SEC24B: variants seen among roughly 807,000 people sequenced by gnomAD.
The protein encoded by SEC24B is protein transport protein Sec24B.
In SEC24B, 45 loss-of-function variants were observed where a neutral mutation model predicts 142.8. The ratio of observed to expected loss-of-function variants is 0.32; its 90% confidence interval spans 0.25 to 0.40. SEC24B has a LOEUF of 0.40. Ranked by LOEUF, SEC24B falls within the 10% of genes least tolerant of loss-of-function variation. SEC24B has a pLI of 1.00. For synonymous variants in SEC24B, 574 were observed against 568.2 expected (o/e 1.01, Z -0.15); for missense variants, 1,409 against 1,526.8 (o/e 0.92, Z 1.29).
chr4:109,536,071 T>C (rs1030761152), intron 22 of SEC24B, among the ~76,000 whole-genome samples: 2 of 146,842 alleles, frequency 1.4e-5, no homozygotes, highest in African/African-American at 5.2e-5. Context: ...CAATCTGTCA[T>C]TGTTTGATTT....
chr4:109,450,777 C>T (rs1402255486), intron 1 of SEC24B: 2 of 144,700 alleles, frequency 1.4e-5, no homozygotes, highest in Non-Finnish European at 3.0e-5. Context: ...TTTTAAAGAG[C>T]CAGAGTCTTC....
chr4:109,448,284 G>A (rs557091911), intron 1 of SEC24B, among the ~76,000 whole-genome samples: 1 of 152,140 alleles, frequency 6.6e-6, no homozygotes, highest in African/African-American at 2.4e-5. Flanking sequence ...CCATTAGAAG[G>A]CATCAAACCA....
At chr4:109,491,171 G>T (rs1047136954) in intron 4 of SEC24B, among the ~76,000 whole-genome samples, 156 bp from the exon 5 acceptor site, 2 of 152,056 alleles carry the variant, frequency 1.3e-5, no homozygotes, top group Non-Finnish European at 2.9e-5. Flanking sequence ...AAATTCATTG[G>T]TTTTTAAAAT....
At chr4:109,524,299 C>CT (rs1370081925) in intron 14 of SEC24B, among the ~76,000 whole-genome samples, 2 of 151,934 alleles carry the variant, frequency 1.3e-5, no homozygotes, top group African/African-American at 2.4e-5. Context: ...AGGATTGAAA[C>CT]TTTTTTTTAG....
Position 109,538,530 on chromosome 4 carries a change from G to A in SEC24B, c.3626G>A (p.Arg1209Lys), listed in dbSNP as rs1396560743. 2 of 1,613,348 alleles carry A rather than the reference G, an allele frequency of 1.2e-6. No individual in the cohort carries two copies. Among genetic ancestry groups the A allele is most frequent in the African/African-American group, 2.7e-5 (2 of 74,894 alleles). ...GAGCTAGATACACTTTCATCAGAAAGAGCCAGATCCTTCATAACTTGGCTT... is the reference window on the plus strand; with the variant it reads ...GAGCTAGATACACTTTCATCAGAAAAAGCCAGATCCTTCATAACTTGGCTT... The part of the protein sequence containing the change: ...LPELDTLSSE[R>K]ARSFITWLRD... Residue 1209 changes from arginine to lysine, a missense_variant, in exon 23 of 24, where the codon AGA (arginine) becomes AAA (lysine). Physicochemically the swap from Arg to Lys is conservative, Grantham distance 26. Around this residue, in one of 2 missense-constraint regions of SEC24B, gnomAD observed 700 missense variants for 853.3 expected, o/e 0.82. Coordinates refer to ENST00000265175, the MANE Select transcript of SEC24B (RefSeq NM_006323.5).
intron 3 of SEC24B, among the ~76,000 whole-genome samples, chr4:109,478,579 T>G (rs1423474577): frequency 6.6e-6 from 1 of 152,196 alleles, no homozygotes; most frequent in Non-Finnish European, 1.5e-5. Context: ...CAGAGGTTAG[T>G]AACTTGCTCA....
chr4:109,539,600 G>C lies in SEC24B; in HGVS notation c.3732G>C (p.Leu1244Phe), dbSNP rs1725967541. ...CCAAAGCAGAATTTTTTCAGCATTT[G>C]ATTGAAGACCGGACAGAGGCTGCAT... is the stretch of plus-strand genomic sequence containing the variant. Reference protein sequence around the residue: ...SPAKAEFFQHLIEDRTEAAFS... With the variant: ...SPAKAEFFQHFIEDRTEAAFS... The change falls in exon 24 of 24, where the codon TTG (leucine) becomes TTC (phenylalanine). Residue 1244 changes from leucine (L) to phenylalanine (F), a missense_variant. Transcript: ENST00000265175. 2 of 1,613,808 alleles carry C rather than the reference G, an allele frequency of 1.2e-6. No individual in the cohort carries two copies. Among genetic ancestry groups the C allele is most frequent in the Non-Finnish European group, 1.7e-6 (2 of 1,179,896 alleles).
chr4:109,469,053 A>T (rs1732255048), intron 2 of SEC24B, among the ~76,000 whole-genome samples: 1 of 152,166 alleles, frequency 6.6e-6, no homozygotes, highest in African/African-American at 2.4e-5. Context: ...GCGCTTTGGG[A>T]GGCTGAGGCA....
chr4:109,536,539 G>T (rs1408069779), intron 22 of SEC24B, among the ~76,000 whole-genome samples: 1 of 151,884 alleles, frequency 6.6e-6, no homozygotes, highest in Non-Finnish European at 1.5e-5. Flanking sequence ...GTTTTGTTTT[G>T]TTTTTTTGGA....
At chr4:109,506,652 T>C in intron 7 of SEC24B, 140 bp downstream of exon 7, 2 of 586,746 alleles carry the variant, frequency 3.4e-6, no homozygotes, top group Non-Finnish European at 5.3e-6. Context: ...TGTATAGATG[T>C]AAAATTTGAC....
chr4:109,494,200 T>C (rs1216752046), intron 5 of SEC24B, among the ~76,000 whole-genome samples: 1 of 152,100 alleles, frequency 6.6e-6, no homozygotes, highest in Non-Finnish European at 1.5e-5. Context: ...CACACCTGTA[T>C]GCTCAGCACT....
chr4:109,457,353 T>C (rs1373178956), intron 1 of SEC24B, among the ~76,000 whole-genome samples: 1 of 152,228 alleles, frequency 6.6e-6, no homozygotes, highest in Non-Finnish European at 1.5e-5. Context: ...TGCCTGAGAC[T>C]GTCTAGTTTA....
intron 1 of SEC24B, among the ~76,000 whole-genome samples, chr4:109,445,267 G>A (rs1156589137): frequency 1.4e-4 from 18 of 127,098 alleles, no homozygotes; most frequent in African/African-American, 5.6e-4. Flanking sequence ...TTTTTGAGAC[G>A]GAGTCTTGTT....
intron 1 of SEC24B, among the ~76,000 whole-genome samples, chr4:109,458,071 G>A (rs186862734): frequency 1.2e-4 from 18 of 151,714 alleles, no homozygotes; most frequent in Admixed American, 6.6e-4. Flanking sequence ...CAGGTCTCTC[G>A]AATTTTGTTC....
At chr4:109,481,863 A>G (rs1459557501) in intron 4 of SEC24B, 82 bp downstream of exon 4, 1 of 949,600 alleles carries the variant, frequency 1.1e-6, no homozygotes, top group Non-Finnish European at 1.6e-6. Context: ...TTAGCCTTTT[A>G]AAAAAGAGTC....
At chr4:109,456,067 A>G (rs956074568) in intron 1 of SEC24B, among the ~76,000 whole-genome samples, 3 of 152,100 alleles carry the variant, frequency 2.0e-5, no homozygotes, top group Non-Finnish European at 2.9e-5. Flanking sequence ...AGCGTTTTGT[A>G]GTTTTCTTTA....
chr4:109,465,832 C>G (rs527548359), intron 2 of SEC24B, among the ~76,000 whole-genome samples: 1 of 152,152 alleles, frequency 6.6e-6, no homozygotes, highest in African/African-American at 2.4e-5. Flanking sequence ...AGTAACTGCT[C>G]TAATGGGTCC....
intron 1 of SEC24B, among the ~76,000 whole-genome samples, chr4:109,439,933 C>G (rs995428517): frequency 6.6e-6 from 1 of 151,374 alleles, no homozygotes; most frequent in Non-Finnish European, 1.5e-5. Flanking sequence ...CCAGCCTGGA[C>G]GACAGGATGA....
chr4:109,476,964 C>T lies in SEC24B; in HGVS notation c.1060+3778C>T, dbSNP rs1187387879. Among the ~76,000 whole-genome samples, 10 of 151,418 alleles carry T rather than the reference C, an allele frequency of 6.6e-5. No homozygotes were observed. In the South Asian group the frequency reaches 1.5e-3, roughly 22 times the overall value. On this transcript the variant is annotated intron_variant, in intron 3 of 23. Coordinates refer to ENST00000265175, the MANE Select transcript of SEC24B (RefSeq NM_006323.5). ...CATCCCGGCTAAAACGGTGAAACCC[C>T]GTCTCTACTAAAAATACAAAAAATT...
Sources: gnomAD v4.1 joint callset for allele counts (sites outside exome capture counted in the v4.1 genomes callset) on GRCh38, gnomAD v4.1.1 for gene constraint, gnomAD v4.1.1 regional missense constraint, MANE v1.5 for transcripts, NCBI Gene and HGNC (gene_info 2026-07-23, HGNC 2026-07-21) for gene names.